The following DLC1 variants were observed in gnomAD, a reference collection of about 807,000 sequenced individuals.
DLC1 encodes DLC1 Rho GTPase activating protein.
A neutral mutation model predicts 140.3 loss-of-function variants in DLC1; 54 were observed. The ratio of observed to expected loss-of-function variants is 0.38; its 90% confidence interval spans 0.31 to 0.48. The LOEUF (loss-of-function observed/expected upper bound fraction) is 0.48. Ranked by LOEUF, DLC1 falls within the 20% of genes least tolerant of loss-of-function variation. The probability of loss-of-function intolerance (pLI) is 0.96; values close to 1 mark genes in which losing one functional copy is unlikely to be tolerated. For missense variants in DLC1, 2,536 were observed against 1,907.0 expected (o/e 1.33, Z -6.14); for synonymous variants, 986 against 728.1 (o/e 1.35, Z -5.70).
intron 7 of DLC1, among the ~76,000 whole-genome samples, chr8:13,109,862 G>A (rs1406852059): frequency 2.6e-5 from 4 of 151,952 alleles, no homozygotes; most frequent in East Asian, 3.9e-4. Context: ...TCCAGCCTGG[G>A]CAACAAGAGC....
intron 2 of DLC1, among the ~76,000 whole-genome samples, chr8:13,453,029 C>A (rs1479641391): frequency 6.6e-6 from 1 of 151,820 alleles, no homozygotes; most frequent in African/African-American, 2.4e-5. Context: ...TCACTTTTTC[C>A]TCACAAAACC....
At chr8:13,102,661 T>C in intron 8 of DLC1, 129 bp downstream of exon 8, 2 of 812,182 alleles carry the variant, frequency 2.5e-6, no homozygotes, top group Non-Finnish European at 4.2e-6. Context: ...GGCGATATCA[T>C]TCAAGATGTA....
chr8:13,292,783 A>G (rs1223421009), intron 5 of DLC1, among the ~76,000 whole-genome samples: 1 of 152,184 alleles, frequency 6.6e-6, no homozygotes, highest in Non-Finnish European at 1.5e-5. Context: ...AAATGCATCA[A>G]TTGTGTCACT....
chr8:13,316,298 AG>A (rs1832858033), intron 4 of DLC1, among the ~76,000 whole-genome samples: 1 of 152,214 alleles, frequency 6.6e-6, no homozygotes, highest in South Asian at 2.1e-4. Flanking sequence ...TGAGATATGC[AG>A]GACAAACAGG....
intron 4 of DLC1, among the ~76,000 whole-genome samples, chr8:13,364,391 CA>C (rs1420452482): frequency 6.6e-6 from 1 of 151,786 alleles, no homozygotes; most frequent in Non-Finnish European, 1.5e-5. Flanking sequence ...CTCCATCTCC[CA>C]GGTTCAAGCC....
At chr8:13,205,888 A>G (rs1051450075) in intron 5 of DLC1, among the ~76,000 whole-genome samples, 3 of 152,340 alleles carry the variant, frequency 2.0e-5, no homozygotes, top group South Asian at 4.1e-4. Context: ...TCTGAGTCCT[A>G]TTAGGAACTA....
intron 5 of DLC1, among the ~76,000 whole-genome samples, chr8:13,170,448 G>A (rs769448195): frequency 2.0e-5 from 3 of 151,984 alleles, no homozygotes; most frequent in Admixed American, 6.5e-5. Context: ...ATGTGTTTCC[G>A]GGCCGGGCGC....
At chr8:13,242,582 CAG>C (rs1033833650) in intron 5 of DLC1, among the ~76,000 whole-genome samples, 2 of 151,958 alleles carry the variant, frequency 1.3e-5, no homozygotes, top group Admixed American at 1.3e-4. Context: ...TTTGTACAGA[CAG>C]AGTTTTGCCG....
chr8:13,312,568 C>T (rs1366738480), intron 4 of DLC1, among the ~76,000 whole-genome samples: 1 of 151,708 alleles, frequency 6.6e-6, no homozygotes, highest in Non-Finnish European at 1.5e-5. Flanking sequence ...AAATCCTTTT[C>T]AGAATTTAAT....
chr8:13,171,327 T>C (rs1825464052), intron 5 of DLC1, among the ~76,000 whole-genome samples: 1 of 152,184 alleles, frequency 6.6e-6, no homozygotes, highest in African/African-American at 2.4e-5. Flanking sequence ...AAAATTCTAA[T>C]AGACACAGAG....
chr8:13,405,910 T>TCTTTC lies in DLC1; in HGVS notation c.1024-4292_1024-4291insGAAAG, dbSNP rs1554514356. 4.1e-3 allele frequency among the ~76,000 whole-genome samples: 556 copies of TCTTTC among 136,586 alleles called. 2 individuals carry two copies. Among genetic ancestry groups the TCTTTC allele is most frequent in the African/African-American group, 0.014 (519 of 36,048 alleles). The allele number at this position is 136,586 out of a possible 152,430, so 89.6% of individuals were successfully genotyped here. A position where few individuals can be genotyped will look rare whatever the true frequency, so the allele number is the denominator to read the frequency against. The stretch of plus-strand genomic sequence containing the variant: ...TTTTCTTTCTTTCTTTTTCTTTCTT[T>TCTTTC]CTTTTCTTTTCTTTCTTTCTTTCTT... On this transcript the variant is annotated intron_variant, in intron 2 of 17. Transcript: ENST00000276297.
intron 4 of DLC1, among the ~76,000 whole-genome samples, chr8:13,334,021 G>T (rs1448560557): frequency 6.6e-6 from 1 of 152,140 alleles, no homozygotes; most frequent in Non-Finnish European, 1.5e-5. Flanking sequence ...AAACAAATAA[G>T]TCAATGTCAT....
At chr8:13,392,079 C>T (rs1836787987) in intron 4 of DLC1, among the ~76,000 whole-genome samples, 1 of 149,356 alleles carries the variant, frequency 6.7e-6, no homozygotes, top group South Asian at 2.1e-4. Flanking sequence ...TGAAGAGCAC[C>T]ATTCCATTTC....
intron 1 of DLC1, among the ~76,000 whole-genome samples, chr8:13,546,177 T>C (rs1478387761): frequency 1.3e-5 from 2 of 152,164 alleles, no homozygotes; most frequent in East Asian, 3.9e-4. Flanking sequence ...TTTTCTCATA[T>C]TGGTCATTAA....
intron 5 of DLC1, among the ~76,000 whole-genome samples, chr8:13,187,221 T>C (rs1826429124): frequency 6.6e-6 from 1 of 152,092 alleles, no homozygotes; most frequent in Non-Finnish European, 1.5e-5. Flanking sequence ...TTATTTTTTC[T>C]CTGTTGTTTG....
At chr8:13,134,622 A>C (rs141196725) in intron 5 of DLC1, among the ~76,000 whole-genome samples, 1 of 152,320 alleles carries the variant, frequency 6.6e-6, no homozygotes, top group East Asian at 1.9e-4. Context: ...CTTAGTTTAC[A>C]TACAGAAGAC....
rs12550156 is a variant in DLC1 at position 13,478,789 on chromosome 8, A to G, written c.1023+20260T>C. ...TCTCTGGCTTTCTTTGTTTTCTTTT[A>G]TAGCAATTATTGAATTTTTAATACA... On this transcript the variant is annotated intron_variant, in intron 2 of 17. Coordinates refer to ENST00000276297, the MANE Select transcript of DLC1 (RefSeq NM_182643.3). Among the ~76,000 whole-genome samples the G allele has an allele frequency of 4.2e-3, 638 of 152,296 alleles. 5 individuals carry two copies. Among genetic ancestry groups the G allele is most frequent in the Middle Eastern group, 0.024 (7 of 294 alleles).
chr8:13,431,689 T>C (rs186959809), intron 2 of DLC1, among the ~76,000 whole-genome samples: 59 of 151,354 alleles, frequency 3.9e-4, no homozygotes, highest in African/African-American at 1.4e-3. Flanking sequence ...AAAAAAATCA[T>C]GTGTAATTGT....
At chr8:13,591,795 G>A (rs546503504) in intron 1 of DLC1, among the ~76,000 whole-genome samples, 1 of 152,226 alleles carries the variant, frequency 6.6e-6, no homozygotes, top group Admixed American at 6.5e-5. Context: ...GATCCACAGT[G>A]ATAAATAGAT....
Sources: gnomAD v4.1 joint callset for allele counts (sites outside exome capture counted in the v4.1 genomes callset) on GRCh38, gnomAD v4.1.1 for gene constraint, MANE v1.5 for transcripts, NCBI Gene and HGNC (gene_info 2026-07-23, HGNC 2026-07-21) for gene names.